AARS1: variants seen among roughly 807,000 people sequenced by gnomAD.
The protein encoded by AARS1 is alanyl-tRNA synthetase 1.
A neutral mutation model predicts 108.9 loss-of-function variants in AARS1; 72 were observed. The ratio of observed to expected loss-of-function variants is 0.66; its 90% CI spans 0.55 to 0.80. AARS1 has a LOEUF of 0.80. AARS1 is among the 30% of genes least tolerant of loss of function. AARS1 has a pLI of 0.00. For missense variants in AARS1, 1,193 were observed against 1,233.2 expected (o/e 0.97, Z 0.49); for synonymous variants, 489 against 465.7 (o/e 1.05, Z -0.64).
intron 9 of AARS1, 122 bp downstream of exon 9, chr16:70,267,537 T>C (rs949275012): frequency 3.2e-6 from 4 of 1,264,060 alleles, no homozygotes; most frequent in African/African-American, 1.5e-5. Context: ...CCAAAAGCAA[T>C]TCAATCAAGC....
chr16:70,267,666 G>T lies in AARS1; in HGVS notation c.1215C>A (p.Thr405=). 1.2e-6 allele frequency: 2 copies of T among 1,614,160 alleles called. No individual in the cohort carries two copies. Among genetic ancestry groups the T allele is most frequent in the East Asian group, 2.2e-5 (1 of 44,878 alleles). The change falls in exon 9 of 21, where the codon ACC becomes ACA. Residue 405 remains threonine (T), a synonymous_variant. Transcript: ENST00000261772. ...GCAAAAACTGGTACCTACCGGGAAT[G>T]GTCTTGCTGTCTCCCAGGCTCTGAA... is the stretch of plus-strand genomic sequence containing the variant. ...RKIQSLGDSK[T]IPGDTAWLLY...
chr16:70,288,703 A>G (rs1481736839), intron 1 of AARS1, among the ~76,000 whole-genome samples: 1 of 151,390 alleles, frequency 6.6e-6, no homozygotes, highest in Non-Finnish European at 1.5e-5. Context: ...AGTGGCTGAG[A>G]GTACAGGCGC....
chr16:70,275,876 G>C (rs1960535130), intron 4 of AARS1, among the ~76,000 whole-genome samples: 1 of 135,552 alleles, frequency 7.4e-6, no homozygotes. Context: ...AGCAGAGTTT[G>C]CAGTGAACTG....
chr16:70,276,503 C>T lies in AARS1; in HGVS notation c.462G>A (p.Gln154=). 6.2e-7 allele frequency: 1 copy of T among 1,614,096 alleles called. No homozygotes were observed. Among genetic ancestry groups the T allele is most frequent in the Non-Finnish European group, 8.5e-7 (1 of 1,180,016 alleles). The change falls in exon 4 of 21, where the codon CAG becomes CAA. Residue 154 remains glutamine (Q), a synonymous_variant. Coordinates refer to ENST00000261772, the MANE Select transcript of AARS1 (RefSeq NM_001605.3). ...AGLEADLECK[Q]IWQNLGLDDT... is the part of the protein sequence containing the mutation. The stretch of plus-strand genomic sequence containing the variant: ...ATTCTTACCCCAAATTTTGCCAGAT[C>T]TGTTTGCATTCCAGATCTGCTTCTA...
At chr16:70,267,027 G>A (rs1393572005) in intron 9 of AARS1, among the ~76,000 whole-genome samples, 1 of 152,018 alleles carries the variant, frequency 6.6e-6, no homozygotes, top group East Asian at 1.9e-4. Context: ...TAGTAGAGAC[G>A]GGGTTTTGCC....
chr16:70,283,109 A>AG (rs1960744034), intron 1 of AARS1, among the ~76,000 whole-genome samples: 1 of 152,206 alleles, frequency 6.6e-6, no homozygotes, highest in African/African-American at 2.4e-5. Flanking sequence ...TTAGAAAAAA[A>AG]GAGGGACAGC....
At chr16:70,288,098 C>CTTTTTTT (rs34369477) in intron 1 of AARS1, among the ~76,000 whole-genome samples, 14 of 83,888 alleles carry the variant, frequency 1.7e-4, no homozygotes, top group East Asian at 3.8e-4. Flanking sequence ...TCCCCTTCTT[C>CTTTTTTT]TTTTTTTTTT....
rs138409967 is a variant in AARS1, at chr16:70,262,375, G to A, written c.1642C>T (p.Leu548=). 2 of 1,614,180 alleles carry A rather than the reference G, an allele frequency of 1.2e-6. No homozygotes were observed. The highest frequency in any genetic ancestry group is 1.7e-6 in the Non-Finnish European group (2 of 1,180,034). Residue 548 remains leucine, a synonymous_variant, in exon 12 of 21, where the codon CTG becomes TTG. Coordinates refer to ENST00000261772, the MANE Select transcript of AARS1 (RefSeq NM_001605.3). ...QGGQIYDEGY[L]VKVDDSSEDK... ...TCACTGCTGTCATCCACCTTCACCA[G>A]GTAGCCTTCGTCATAGATCTGGCCT...
At chr16:70,283,094 A>G (rs770343253) in intron 1 of AARS1, among the ~76,000 whole-genome samples, 3 of 152,142 alleles carry the variant, frequency 2.0e-5, no homozygotes, top group Non-Finnish European at 4.4e-5. Flanking sequence ...GCCCGAGACT[A>G]GGAATTAGAA....
chr16:70,258,542 C>G lies in AARS1; in HGVS notation c.1993-325G>C, dbSNP rs139938412. 2.0e-3 allele frequency among the ~76,000 whole-genome samples: 303 copies of G among 152,280 alleles called. 1 individual carries two copies. The highest frequency in any genetic ancestry group is 6.9e-3 in the African/African-American group (288 of 41,538). On this transcript the variant is annotated intron_variant, in intron 14 of 20. Coordinates refer to ENST00000261772, the MANE Select transcript of AARS1 (RefSeq NM_001605.3). ...ACCACCACTGCCCCCGGCAAAAGCA[C>G]AGATGGAGAATCACTGCTTTAAACA... is the stretch of plus-strand genomic sequence containing the variant.
rs112061695 is a variant in AARS1, at chr16:70,258,855, T to G, written c.1992+125A>C. 5,029 of 1,193,946 alleles carry G rather than the reference T, an allele frequency of 4.2e-3. 14 individuals are homozygous for G. Among genetic ancestry groups the G allele is most frequent in the Non-Finnish European group, 5.2e-3 (4,248 of 812,744 alleles). 74.0% of individuals were successfully genotyped at this position (1,193,946 alleles called of 1,614,324 possible). ...CAGGCGTGAGCTACCGTGCCCAGCCTGCTTTAAGCAAATCTACGTGCAGGA... is the reference window on the plus strand; with the variant it reads ...CAGGCGTGAGCTACCGTGCCCAGCCGGCTTTAAGCAAATCTACGTGCAGGA... On this transcript the variant is annotated intron_variant, in intron 14 of 20. Transcript: ENST00000261772.
At chr16:70,270,097 C>T in intron 6 of AARS1, 99 bp downstream of exon 6, 1 of 1,466,186 alleles carries the variant, frequency 6.8e-7, no homozygotes, top group South Asian at 1.2e-5. Context: ...GTACCCTTGG[C>T]TGGCAAAGCA....
chr16:70,288,091 CCTTCTT>C (rs1380374409), intron 1 of AARS1, among the ~76,000 whole-genome samples: 1 of 141,164 alleles, frequency 7.1e-6, no homozygotes, highest in African/African-American at 2.7e-5. Context: ...ACAGCCTTCC[CCTTCTT>C]CTTTTTTTTT....
At chr16:70,263,644 GT>G (rs966408493) in intron 11 of AARS1, among the ~76,000 whole-genome samples, 1 of 151,342 alleles carries the variant, frequency 6.6e-6, no homozygotes, top group Non-Finnish European at 1.5e-5. Flanking sequence ...TTATTTTTAT[GT>G]TTTTTTTGAG....
intron 7 of AARS1, among the ~76,000 whole-genome samples, 186 bp downstream of exon 7, chr16:70,269,432 G>A (rs918628336): frequency 1.1e-4 from 17 of 151,100 alleles, no homozygotes; most frequent in African/African-American, 3.9e-4. Context: ...AGCTACGTGG[G>A]AGGCTGAGGC....
intron 4 of AARS1, among the ~76,000 whole-genome samples, chr16:70,274,934 T>TAA (rs35259849): frequency 6.9e-5 from 10 of 145,946 alleles, no homozygotes; most frequent in South Asian, 6.4e-4. Flanking sequence ...CTATATAAAG[T>TAA]AAAAAAAAAA....
chr16:70,280,278 G>A (rs184721159), intron 2 of AARS1, among the ~76,000 whole-genome samples: 2 of 151,878 alleles, frequency 1.3e-5, no homozygotes, highest in East Asian at 3.9e-4. Flanking sequence ...GTGCAGTGGC[G>A]TGATCTCGGC....
chr16:70,252,892 C>G lies in AARS1; in HGVS notation c.2736G>C (p.Arg912=). 2 of 1,614,172 alleles carry G rather than the reference C, an allele frequency of 1.2e-6. No homozygotes were observed. The highest frequency in any genetic ancestry group is 8.5e-7 in the Non-Finnish European group (1 of 1,180,024). ...LCQVPQNAAN[R]GLKASEWVQQ... The stretch of plus-strand genomic sequence containing the variant: ...GCACCCACTCGCTGGCTTTTAAGCC[C>G]CGATTGGCTGCATTCTAGAAGACAG... The change falls in exon 21 of 21, where the codon CGG becomes CGC. Residue 912 remains arginine, a synonymous_variant. Transcript: ENST00000261772.
intron 4 of AARS1, among the ~76,000 whole-genome samples, chr16:70,273,698 T>A (rs1233725936): frequency 6.6e-6 from 1 of 151,196 alleles, no homozygotes; most frequent in Non-Finnish European, 1.5e-5. Flanking sequence ...CCGTCTCTAC[T>A]AAAAAATACA....
Sources: allele counts gnomAD v4.1 joint callset (sites outside exome capture counted in the v4.1 genomes callset), GRCh38; gene constraint gnomAD v4.1.1; transcripts MANE v1.5; gene names NCBI Gene and HGNC (gene_info 2026-07-23, HGNC 2026-07-21).